The following STAG1 variants were observed in gnomAD, a reference collection of about 807,000 sequenced individuals.
STAG1 encodes cohesin subunit SA-1.
STAG1 carries 26 observed loss-of-function variants against 170.9 expected under a neutral mutation model. The observed-to-expected ratio is 0.15, with a 90% confidence interval of 0.11 to 0.21. The LOEUF is 0.21. STAG1 is among the 10% of genes least tolerant of loss of function. The probability of loss-of-function intolerance (pLI) is 1.00; values close to 1 mark genes in which losing one functional copy is unlikely to be tolerated. For synonymous variants in STAG1, 514 were observed against 497.7 expected, an observed-to-expected ratio of 1.03 and a Z score of -0.44; for missense variants, 964 against 1,509.5, an observed-to-expected ratio of 0.64 and a Z score of 5.99.
chr3:136,556,540 C>T (rs757702344), intron 5 of STAG1, among the ~76,000 whole-genome samples: 30 of 152,086 alleles, frequency 2.0e-4, no homozygotes, highest in Non-Finnish European at 3.7e-4. Context: ...TTTAAAACTC[C>T]GACGAGTTTG....
intron 1 of STAG1, among the ~76,000 whole-genome samples, chr3:136,658,029 A>G (rs1941452109): frequency 6.6e-6 from 1 of 152,056 alleles, no homozygotes; most frequent in South Asian, 2.1e-4. Flanking sequence ...CTATCATTTA[A>G]AAACAAAATG....
At chr3:136,559,644 AT>A (rs1352652272) in intron 5 of STAG1, among the ~76,000 whole-genome samples, 1 of 152,210 alleles carries the variant, frequency 6.6e-6, no homozygotes, top group Admixed American at 6.5e-5. Flanking sequence ...TAATGTGGAT[AT>A]TTTAAATATT....
Position 136,359,239 on chromosome 3 carries a change from C to A in STAG1, c.2845G>T (p.Val949Phe). 6.2e-7 allele frequency: 1 copy of A among 1,613,500 alleles called. No individual in the cohort carries two copies. Among genetic ancestry groups the A allele is most frequent in the Non-Finnish European group, 8.5e-7 (1 of 1,179,580 alleles). ...GPNLDRTSAH[V>F]SGIKELARRF... The stretch of plus-strand genomic sequence containing the variant: ...CGTGCCAGTTCTTTAATGCCACTGA[C>A]ATGGGCAGATGTCCTATCTAGGTTG... Residue 949 changes from valine to phenylalanine, a missense_variant, in exon 27 of 34, where the codon GTC becomes TTC. Physicochemically the swap from Val to Phe is conservative, Grantham distance 50. Around this residue, in one of 11 missense-constraint regions of STAG1, gnomAD observed 149 missense variants for 301.3 expected, o/e 0.49. Transcript: ENST00000383202.
At chr3:136,439,111 G>T (rs939379682) in intron 15 of STAG1, among the ~76,000 whole-genome samples, 3 of 147,370 alleles carry the variant, frequency 2.0e-5, no homozygotes, top group African/African-American at 7.6e-5. Context: ...CATGAGAATC[G>T]CTTGAACCTG....
chr3:136,695,815 A>G (rs981364047), intron 1 of STAG1, among the ~76,000 whole-genome samples: 3 of 151,022 alleles, frequency 2.0e-5, no homozygotes, highest in Non-Finnish European at 4.4e-5. Flanking sequence ...CAAGTGGGGG[A>G]AAAAAAGCAA....
intron 13 of STAG1, among the ~76,000 whole-genome samples, chr3:136,460,378 A>T (rs1207825975): frequency 6.6e-6 from 1 of 152,078 alleles, no homozygotes; most frequent in Non-Finnish European, 1.5e-5. Context: ...AAGGTGGGTG[A>T]ATCACCTGAG....
intron 9 of STAG1, among the ~76,000 whole-genome samples, chr3:136,497,005 G>C (rs1010971245): frequency 6.6e-6 from 1 of 151,734 alleles, no homozygotes; most frequent in African/African-American, 2.4e-5. Context: ...CAACCACCAA[G>C]ATGAATGTAC....
intron 1 of STAG1, among the ~76,000 whole-genome samples, chr3:136,710,449 T>C (rs926058455): frequency 1.3e-5 from 2 of 152,192 alleles, no homozygotes; most frequent in Admixed American, 6.5e-5. Context: ...TATTCAGAAA[T>C]AAGCATTTTT....
At chr3:136,436,607 T>G (rs912792591) in intron 15 of STAG1, among the ~76,000 whole-genome samples, 1 of 151,952 alleles carries the variant, frequency 6.6e-6, no homozygotes, top group Admixed American at 6.6e-5. Context: ...ATAATTCGAA[T>G]AGTTTAGTTC....
intron 9 of STAG1, among the ~76,000 whole-genome samples, chr3:136,497,803 C>T (rs1336494806): frequency 1.3e-5 from 2 of 149,700 alleles, no homozygotes; most frequent in East Asian, 4.0e-4. Context: ...TGCAGTGAGC[C>T]GAGATCGCGC....
intron 16 of STAG1, among the ~76,000 whole-genome samples, chr3:136,427,808 A>T (rs1185348768): frequency 1.3e-5 from 2 of 152,148 alleles, no homozygotes; most frequent in Non-Finnish European, 2.9e-5. Flanking sequence ...GCACACCTAT[A>T]CTCATATGAT....
intron 1 of STAG1, among the ~76,000 whole-genome samples, chr3:136,663,596 T>G (rs187990480): frequency 1.3e-5 from 2 of 152,128 alleles, no homozygotes; most frequent in African/African-American, 2.4e-5. Flanking sequence ...CATGTAGATA[T>G]AGCAAAAATA....
At chr3:136,682,983 G>A (rs1223919691) in intron 1 of STAG1, among the ~76,000 whole-genome samples, 1 of 152,124 alleles carries the variant, frequency 6.6e-6, no homozygotes, top group Non-Finnish European at 1.5e-5. Flanking sequence ...GAACCTTGAG[G>A]ATATTGTGTT....
At chr3:136,472,767 A>G (rs1431321519) in intron 11 of STAG1, among the ~76,000 whole-genome samples, 2 of 152,228 alleles carry the variant, frequency 1.3e-5, no homozygotes, top group Non-Finnish European at 2.9e-5. Context: ...AACAAGCTGT[A>G]AAGAAAATTT....
chr3:136,602,084 A>C (rs1336519542), intron 4 of STAG1, among the ~76,000 whole-genome samples: 4 of 152,104 alleles, frequency 2.6e-5, no homozygotes, highest in African/African-American at 7.2e-5. Context: ...CTTACATTTA[A>C]AGAAAAGGAA....
At chr3:136,575,148 A>G (rs1303480532) in intron 4 of STAG1, among the ~76,000 whole-genome samples, 3 of 152,344 alleles carry the variant, frequency 2.0e-5, no homozygotes, top group East Asian at 3.9e-4. Context: ...TTAAATATTT[A>G]TAATTTATAG....
At chr3:136,719,253 C>G (rs1340758258) in intron 1 of STAG1, among the ~76,000 whole-genome samples, 1 of 151,896 alleles carries the variant, frequency 6.6e-6, no homozygotes, top group Non-Finnish European at 1.5e-5. Flanking sequence ...TAAATAAAAG[C>G]CAAACATAAG....
chr3:136,696,597 G>A (rs965149675), intron 1 of STAG1, among the ~76,000 whole-genome samples: 3 of 152,082 alleles, frequency 2.0e-5, no homozygotes, highest in Admixed American at 6.6e-5. Flanking sequence ...TGCTGACAGT[G>A]GGGGAGGTTG....
At chr3:136,364,899 T>C (rs186916912) in intron 25 of STAG1, among the ~76,000 whole-genome samples, 11 of 152,258 alleles carry the variant, frequency 7.2e-5, no homozygotes, top group Admixed American at 3.3e-4. Context: ...CTCAAAAGGA[T>C]CCTTTTAGTG....
Sources: allele counts gnomAD v4.1 joint callset (sites outside exome capture counted in the v4.1 genomes callset), GRCh38; gene constraint gnomAD v4.1.1; regional missense constraint gnomAD v4.1.1; transcripts MANE v1.5; gene names NCBI Gene and HGNC (gene_info 2026-07-23, HGNC 2026-07-21).